Variants in CYP4F22 observed in about 807,000 individuals in gnomAD.
CYP4F22 encodes the protein ultra-long-chain fatty acid omega-hydroxylase.
Under a neutral mutation model 60.4 loss-of-function variants are expected in CYP4F22, and 37 were observed. That is an observed-to-expected ratio of 0.61 (90% confidence interval 0.47 to 0.81). CYP4F22 has a LOEUF of 0.81. Among genes scored for constraint, CYP4F22 ranks in the 30% least tolerant of loss-of-function variants. The pLI, the probability that CYP4F22 is intolerant of heterozygous loss-of-function variation, is 0.00. For synonymous variants in CYP4F22, 258 were observed against 280.5 expected, an observed-to-expected ratio of 0.92 and a Z score of 0.80; for missense variants, 655 against 715.0, an observed-to-expected ratio of 0.92 and a Z score of 0.96.
At chr19:15,515,311 T>A in intron 1 of CYP4F22, 1 of 1,161,392 alleles carries the variant, frequency 8.6e-7, no homozygotes, top group Non-Finnish European at 1.3e-6. Context: ...TATGTTGGGA[T>A]TTTATAATGG....
rs774656040 is a variant in CYP4F22, at chr19:15,538,054, G to C, written c.671+61G>C. 8 of 1,609,508 alleles carry C rather than the reference G, an allele frequency of 5.0e-6. 1 individual carries two copies. The East Asian group carries it at 1.8e-4, about 36-fold the overall frequency. ...TGCTCTAGGAGCAAGATGGTGGCAG[G>C]AGAAAGGGAACTCCCAGGCATTAGA... is the stretch of plus-strand genomic sequence containing the variant. On this transcript the variant is annotated intron_variant, in intron 7 of 13. Transcript: ENST00000269703.
At position 15,544,007 on chromosome 19, in the gene CYP4F22, C is replaced by G. The variant is rs762667660; in HGVS notation, c.976C>G (p.Arg326Gly). The G allele has an allele frequency of 5.0e-6, 8 of 1,613,916 alleles. No individual in the cohort carries two copies. The highest frequency in any genetic ancestry group is 1.7e-5 in the Admixed American group (1 of 59,964). ...DGKELSDEDIRAEADTFMFEG... is the reference protein window; with the variant it reads ...DGKELSDEDIGAEADTFMFEG... Reference sequence around the variant, plus strand: ...AAAGGAACTGTCAGACGAGGATATCCGAGCCGAAGCAGACACCTTCATGTT... The same window carrying G: ...AAAGGAACTGTCAGACGAGGATATCGGAGCCGAAGCAGACACCTTCATGTT... The change falls in exon 9 of 14, where the codon CGA becomes GGA. Residue 326 changes from arginine (R) to glycine (G), a missense_variant. Transcript: ENST00000269703.
At chr19:15,550,367 G>C (rs576574299) in intron 12 of CYP4F22, among the ~76,000 whole-genome samples, 7 of 152,218 alleles carry the variant, frequency 4.6e-5, no homozygotes, top group African/African-American at 9.6e-5. Flanking sequence ...AGCTCGAGTG[G>C]TTATGAAAGG....
At chr19:15,545,112 A>AC (rs1272709588) in intron 10 of CYP4F22, among the ~76,000 whole-genome samples, 10 of 151,804 alleles carry the variant, frequency 6.6e-5, no homozygotes, top group South Asian at 2.1e-4. Flanking sequence ...AATAAAAAAA[A>AC]AAAACAAAAG....
At chr19:15,531,243 TGTG>T (rs1006996242) in intron 4 of CYP4F22, among the ~76,000 whole-genome samples, 1 of 151,864 alleles carries the variant, frequency 6.6e-6, no homozygotes, top group Non-Finnish European at 1.5e-5. Flanking sequence ...AGCTGGGTGT[TGTG>T]GTGCATGCCT....
At chr19:15,513,321 G>T (rs1483749061) in intron 1 of CYP4F22, among the ~76,000 whole-genome samples, 1 of 148,192 alleles carries the variant, frequency 6.7e-6, no homozygotes, top group African/African-American at 2.5e-5. Flanking sequence ...GACTACAGGC[G>T]AATGCTGCCA....
intron 1 of CYP4F22, among the ~76,000 whole-genome samples, chr19:15,517,419 C>T (rs1451915658): frequency 6.6e-6 from 1 of 152,152 alleles, no homozygotes; most frequent in Non-Finnish European, 1.5e-5. Flanking sequence ...GGACTTCAGC[C>T]CATGTCTGGT....
rs185875991 is a variant in CYP4F22, at chr19:15,547,074, A to C, written c.1137-1034A>C. Among the ~76,000 whole-genome samples, 487 of 125,386 alleles carry C rather than the reference A, an allele frequency of 3.9e-3. 2 individuals are homozygous for C. Among genetic ancestry groups the C allele is most frequent in the African/African-American group, 0.014 (468 of 32,968 alleles). The allele number at this position is 125,386 out of a possible 152,430, so 82.3% of individuals were successfully genotyped here. A position where few individuals can be genotyped will look rare whatever the true frequency, so the allele number is the denominator to read the frequency against. ...AGTCTCACTCTGTCACCCAGGCTAGAGTGTAGTGGTGCAATCTCATCTCAC... is the reference window on the plus strand; with the variant it reads ...AGTCTCACTCTGTCACCCAGGCTAGCGTGTAGTGGTGCAATCTCATCTCAC... On this transcript the variant is annotated intron_variant, in intron 10 of 13. Transcript: ENST00000269703.
chr19:15,550,558 G>A (rs1599819951), intron 12 of CYP4F22, 116 bp from the exon 13 acceptor site: 2 of 957,312 alleles, frequency 2.1e-6, no homozygotes, highest in African/African-American at 1.6e-5. Flanking sequence ...AATGGAAGAG[G>A]TGGCCCTGGG....
chr19:15,543,928 G>C, intron 8 of CYP4F22, 43 bp from the exon 9 acceptor site: 1 of 1,610,426 alleles, frequency 6.2e-7, no homozygotes, highest in Non-Finnish European at 8.5e-7. Flanking sequence ...GGATGCGGAG[G>C]GTGGGATGAA....
At chr19:15,513,458 G>A (rs1190356637) in intron 1 of CYP4F22, among the ~76,000 whole-genome samples, 3 of 149,786 alleles carry the variant, frequency 2.0e-5, no homozygotes, top group East Asian at 2.0e-4. Context: ...TCCGCCTCCC[G>A]GGTTCACGCC....
At position 15,537,552 on chromosome 19, in the gene CYP4F22, A is replaced by T; in HGVS notation, c.439A>T (p.Ser147Cys). 1.2e-6 allele frequency: 2 copies of T among 1,614,074 alleles called. No individual in the cohort carries two copies. The highest frequency in any genetic ancestry group is 4.5e-5 in the East Asian group (2 of 44,892). Residue 147 changes from serine to cysteine, a missense_variant, in exon 6 of 14, where the codon AGC (serine) becomes TGC (cysteine). By Grantham distance (112) the Ser-to-Cys change is moderately radical. This residue lies in a region of CYP4F22 where 430 missense variants were observed against 457.1 expected (regional missense o/e 0.94). Coordinates refer to ENST00000269703, the MANE Select transcript of CYP4F22 (RefSeq NM_173483.4). ...KPWLGDGLLLSKGDKWSRHRR... is the reference protein window; with the variant it reads ...KPWLGDGLLLCKGDKWSRHRR... The stretch of plus-strand genomic sequence containing the variant: ...GGGCCCAGGGGATGGGCTGCTGCTC[A>T]GCAAAGGTGACAAGTGGAGCCGGCA...
chr19:15,509,917 CCT>C (rs1971068235), intron 1 of CYP4F22, among the ~76,000 whole-genome samples: 2 of 141,210 alleles, frequency 1.4e-5, no homozygotes, highest in African/African-American at 5.4e-5. Context: ...TTCTTTCTTT[CCT>C]TCCTTCTTTC....
At position 15,548,012 on chromosome 19, in the gene CYP4F22, T is replaced by A. The variant is rs1185404780; in HGVS notation, c.1137-96T>A. On this transcript the variant is annotated intron_variant, in intron 10 of 13. Transcript: ENST00000269703. ...GAGAGAGAGGGAGAGAGTGTGTGTG[T>A]GTGTGTGTGTGTGTGTGTGTGTGTG... 1.3e-3 allele frequency: 890 copies of A among 677,176 alleles called. 21 individuals are homozygous for A. Among genetic ancestry groups the A allele is most frequent in the East Asian group, 0.011 (366 of 34,520 alleles). The allele number at this position is 677,176 out of a possible 1,614,324, so 41.9% of individuals were successfully genotyped here.
At chr19:15,514,678 A>T (rs1193410032) in intron 1 of CYP4F22, among the ~76,000 whole-genome samples, 1 of 152,058 alleles carries the variant, frequency 6.6e-6, no homozygotes, top group Non-Finnish European at 1.5e-5. Flanking sequence ...CTTGAAAGAA[A>T]GAAAGAAAGA....
intron 1 of CYP4F22, chr19:15,516,537 C>T (rs1328249612): frequency 1.3e-5 from 3 of 238,982 alleles, no homozygotes; most frequent in Non-Finnish European, 2.4e-5. Flanking sequence ...GCAAGGAGCA[C>T]CCTTTATGCA....
At chr19:15,548,474 C>T (rs1204718475) in intron 11 of CYP4F22, among the ~76,000 whole-genome samples, 4 of 152,084 alleles carry the variant, frequency 2.6e-5, no homozygotes, top group Admixed American at 2.0e-4. Flanking sequence ...AGGGATGGGC[C>T]TGTGAGGGTG....
intron 1 of CYP4F22, among the ~76,000 whole-genome samples, chr19:15,519,365 C>T (rs1478610141): frequency 6.6e-6 from 1 of 151,818 alleles, no homozygotes; most frequent in Non-Finnish European, 1.5e-5. Flanking sequence ...CACGCTCAAG[C>T]GATTCTCCTG....
At chr19:15,509,854 C>CTCCTTCCTTCCTTCCTTCCT (rs201064190) in intron 1 of CYP4F22, among the ~76,000 whole-genome samples, 74 of 110,074 alleles carry the variant, frequency 6.7e-4, no homozygotes, top group African/African-American at 1.0e-3. Context: ...GGACCCATCT[C>CTCCTTCCTTCCTTCCTTCCT]TCCTTCCTTC....
Sources: gnomAD v4.1 joint callset for allele counts (sites outside exome capture counted in the v4.1 genomes callset) on GRCh38, gnomAD v4.1.1 for gene constraint, gnomAD v4.1.1 regional missense constraint, MANE v1.5 for transcripts, NCBI Gene and HGNC (gene_info 2026-07-23, HGNC 2026-07-21) for gene names.